The following NT5C1A variants were observed in gnomAD, a reference collection of about 807,000 sequenced individuals.
NT5C1A encodes the protein 5'-nucleotidase, cytosolic IA.
In NT5C1A, 18 loss-of-function variants were observed where a neutral mutation model predicts 31.0. That is an observed-to-expected ratio of 0.58 (90% CI 0.40 to 0.86). The LOEUF (loss-of-function observed/expected upper bound fraction) is 0.86. Ranked by LOEUF, NT5C1A falls within the 40% of genes least tolerant of loss-of-function variation. NT5C1A has a pLI of 0.00. For missense variants in NT5C1A, 470 were observed against 505.4 expected (o/e 0.93, Z 0.67); for synonymous variants, 185 against 203.6 (o/e 0.91, Z 0.78).
rs991474787 is a variant in NT5C1A at position 39,655,743 on chromosome 1, G to A, written c.*3378C>T. ...CAGAGTAGACACTGGCCATAGTGCC[G>A]CTGCAGCCTCCTAGAGGCTGCATTG... On this transcript the variant is annotated 3_prime_UTR_variant, in exon 6 of 6. Coordinates refer to ENST00000235628, the MANE Select transcript of NT5C1A (RefSeq NM_032526.3). Among the ~76,000 whole-genome samples, 11 of 151,990 alleles carry A rather than the reference G, an allele frequency of 7.2e-5. No homozygotes were observed. The highest frequency in any genetic ancestry group is 2.4e-4 in the African/African-American group (10 of 41,376).
intron 1 of NT5C1A, among the ~76,000 whole-genome samples, chr1:39,668,841 G>A (rs529855677): frequency 1.3e-5 from 2 of 152,328 alleles, no homozygotes; most frequent in Non-Finnish European, 2.9e-5. Context: ...AGACTGCTGT[G>A]ACACAGTATG....
intron 3 of NT5C1A, among the ~76,000 whole-genome samples, chr1:39,664,234 A>T (rs749594806): frequency 3.3e-5 from 5 of 150,964 alleles, no homozygotes; most frequent in Non-Finnish European, 7.4e-5. Flanking sequence ...GCTCACTGCA[A>T]GCTCCGCCTC....
intron 4 of NT5C1A, 44 bp downstream of exon 4, chr1:39,663,268 C>A (rs1401020543): frequency 6.2e-7 from 1 of 1,612,536 alleles, no homozygotes; most frequent in South Asian, 1.1e-5. Flanking sequence ...CTCAGGGACC[C>A]CTTTGCTGCA....
chr1:39,664,536 A>G, intron 3 of NT5C1A, among the ~76,000 whole-genome samples: 1 of 13,324 alleles, frequency 7.5e-5, no homozygotes, highest in African/African-American at 2.6e-4. Flanking sequence ...CTCTGTCACC[A>G]GGCTGGAGTG....
chr1:39,657,389 C>A lies in NT5C1A; in HGVS notation c.*1732G>T, dbSNP rs114227229. ...GCTGAGTCCCCAGAAGGACAAAGAT[C>A]AAAAACCCCAGGGTGTTCTCTTCCC... On this transcript the variant is annotated 3_prime_UTR_variant, in exon 6 of 6. Coordinates refer to ENST00000235628, the MANE Select transcript of NT5C1A (RefSeq NM_032526.3). 4.2e-3 allele frequency among the ~76,000 whole-genome samples: 635 copies of A among 152,334 alleles called. 6 individuals carry two copies. The highest frequency in any genetic ancestry group is 0.014 in the African/African-American group (592 of 41,572).
chr1:39,656,915 T>G lies in NT5C1A; in HGVS notation c.*2206A>C, dbSNP rs1049863678. Among the ~76,000 whole-genome samples the G allele has an allele frequency of 6.6e-6, 1 of 152,220 alleles. No individual in the cohort carries two copies. Among genetic ancestry groups the G allele is most frequent in the Non-Finnish European group, 1.5e-5 (1 of 68,020 alleles). On this transcript the variant is annotated 3_prime_UTR_variant, in exon 6 of 6. Coordinates refer to ENST00000235628, the MANE Select transcript of NT5C1A (RefSeq NM_032526.3). ...GGGCTGAGCTCCCTCCTTCACTTCT[T>G]TTTTGTTTCCTTGAGGTTGTTCTTG...
chr1:39,658,292 T>C lies in NT5C1A; in HGVS notation c.*829A>G, dbSNP rs779487952. Among the ~76,000 whole-genome samples, 23 of 152,216 alleles carry C rather than the reference T, an allele frequency of 1.5e-4. No individual in the cohort carries two copies. Among genetic ancestry groups the C allele is most frequent in the South Asian group, 4.1e-4 (2 of 4,824 alleles). On this transcript the variant is annotated 3_prime_UTR_variant, in exon 6 of 6. Transcript: ENST00000235628. The stretch of plus-strand genomic sequence containing the variant: ...TTCCTGGGCTGAGCCCTGATGACCA[T>C]TCAGGTTAGAGAATCACATGAGCAG...
At chr1:39,668,633 C>T (rs1048654271) in intron 1 of NT5C1A, among the ~76,000 whole-genome samples, 3 of 152,234 alleles carry the variant, frequency 2.0e-5, no homozygotes, top group African/African-American at 7.2e-5. Context: ...AGTCCCCTTG[C>T]TATTCCTCTC....
chr1:39,655,878 T>C lies in NT5C1A; in HGVS notation c.*3243A>G, dbSNP rs1646456512. ...ACTGCTATGGAGGTATTTCAAGTTTTAGTCATCAGTTTGGCTGTACTGGTG... is the reference window on the plus strand; with the variant it reads ...ACTGCTATGGAGGTATTTCAAGTTTCAGTCATCAGTTTGGCTGTACTGGTG... On this transcript the variant is annotated 3_prime_UTR_variant, in exon 6 of 6. Transcript: ENST00000235628. Among the ~76,000 whole-genome samples, 1 of 152,180 alleles carries C rather than the reference T, an allele frequency of 6.6e-6. No homozygotes were observed. Among genetic ancestry groups the C allele is most frequent in the Admixed American group, 6.5e-5 (1 of 15,278 alleles).
chr1:39,663,383 T>C lies in NT5C1A; in HGVS notation c.485A>G (p.Tyr162Cys), dbSNP rs1570458604. ...CMTGGNSPIC[Y>C]LKAYHTNLYL... is the part of the protein sequence containing the mutation. The stretch of plus-strand genomic sequence containing the variant: ...GAGGTTGGTGTGATAGGCCTTGAGG[T>C]AGCAGATCGGGCTGTTCCCACCTGT... Residue 162 changes from tyrosine to cysteine, a missense_variant, in exon 4 of 6, where the codon TAC becomes TGC. By Grantham distance (194) the Tyr-to-Cys change is radical. Transcript: ENST00000235628. 1.2e-6 allele frequency: 2 copies of C among 1,614,066 alleles called. No individual in the cohort carries two copies. Among genetic ancestry groups the C allele is most frequent in the Admixed American group, 1.7e-5 (1 of 60,014 alleles).
At chr1:39,660,847 G>C (rs1336843630) in intron 5 of NT5C1A, among the ~76,000 whole-genome samples, 2 of 152,104 alleles carry the variant, frequency 1.3e-5, no homozygotes, top group Non-Finnish European at 1.5e-5. Context: ...CTTAGATAGA[G>C]AATGGAGGCT....
In NT5C1A at chr1:39,654,665, T is replaced by C. The variant is rs1646450435; in HGVS notation, c.*4456A>G. On this transcript the variant is annotated 3_prime_UTR_variant, in exon 6 of 6. Transcript: ENST00000235628. ...ATAGTCAAAACTTGGAATCTTCAGA[T>C]GGGCATGGAGCCCCATGTCCCTTCC... is the stretch of plus-strand genomic sequence containing the variant. 6.6e-6 allele frequency among the ~76,000 whole-genome samples: 1 copy of C among 152,256 alleles called. No homozygotes were observed. The highest frequency in any genetic ancestry group is 2.4e-5 in the African/African-American group (1 of 41,470).
At chr1:39,660,053 C>T (rs921426764) in intron 5 of NT5C1A, among the ~76,000 whole-genome samples, 6 of 152,158 alleles carry the variant, frequency 3.9e-5, no homozygotes, top group Middle Eastern at 3.2e-3. Flanking sequence ...AAACAGACAA[C>T]GATGAAGAAA....
chr1:39,666,345 G>C, intron 1 of NT5C1A, 109 bp from the exon 2 acceptor site: 1 of 1,080,756 alleles, frequency 9.3e-7, no homozygotes, highest in Non-Finnish European at 1.3e-6. Context: ...CCCAGACCCA[G>C]TCTCTACCTA....
Position 39,655,674 on chromosome 1 carries a change from G to A in NT5C1A, c.*3447C>T, listed in dbSNP as rs3851910. On this transcript the variant is annotated 3_prime_UTR_variant, in exon 6 of 6. Coordinates refer to ENST00000235628, the MANE Select transcript of NT5C1A (RefSeq NM_032526.3). ...TTACTAGCTCTATGGCTTTGGACAAGTTACTTTGCCTCCCTAAACCAGCAT... is the reference window on the plus strand; with the variant it reads ...TTACTAGCTCTATGGCTTTGGACAAATTACTTTGCCTCCCTAAACCAGCAT... Among the ~76,000 whole-genome samples the A allele has an allele frequency of 0.043, 6,505 of 152,118 alleles. 202 individuals carry two copies. The highest frequency in any genetic ancestry group is 0.062 in the South Asian group (298 of 4,798).
rs1347547058 is a variant in NT5C1A at position 39,655,028 on chromosome 1, G to A, written c.*4093C>T. Among the ~76,000 whole-genome samples the A allele has an allele frequency of 2.6e-5, 4 of 151,918 alleles. No individual in the cohort carries two copies. The highest frequency in any genetic ancestry group is 6.6e-5 in the Admixed American group (1 of 15,236). ...GTGATCTCGGTTCACTGCAACCTCC[G>A]CCTTCCGGGTTCAAGTGATCCTCCT... On this transcript the variant is annotated 3_prime_UTR_variant, in exon 6 of 6. Coordinates refer to ENST00000235628, the MANE Select transcript of NT5C1A (RefSeq NM_032526.3).
At chr1:39,659,653 G>T (rs17264901) in intron 5 of NT5C1A, among the ~76,000 whole-genome samples, 167 bp from the exon 6 acceptor site, 9,696 of 152,258 alleles carry the variant, frequency 0.064, 410 homozygotes, top group East Asian at 0.13. Flanking sequence ...GCACCAGCGC[G>T]GCTCTAGTCA....
At chr1:39,664,826 G>T (rs1646513087) in intron 3 of NT5C1A, among the ~76,000 whole-genome samples, 1 of 151,192 alleles carries the variant, frequency 6.6e-6, no homozygotes, top group Non-Finnish European at 1.5e-5. Context: ...AGGAAAAGCA[G>T]AGAAATCCAA....
intron 5 of NT5C1A, among the ~76,000 whole-genome samples, chr1:39,660,233 C>G (rs1646486230): frequency 6.6e-6 from 1 of 152,146 alleles, no homozygotes; most frequent in Non-Finnish European, 1.5e-5. Context: ...AGGCAACTCG[C>G]AAGAACAGAC....
Sources: gnomAD v4.1 joint callset for allele counts (sites outside exome capture counted in the v4.1 genomes callset) on GRCh38, gnomAD v4.1.1 for gene constraint, MANE v1.5 for transcripts, NCBI Gene and HGNC (gene_info 2026-07-23, HGNC 2026-07-21) for gene names.